CDH8: variants seen among roughly 807,000 people sequenced by gnomAD.
The protein encoded by CDH8 is cadherin 8.
CDH8 carries 17 observed loss-of-function variants against 68.1 expected under a neutral mutation model. The ratio of observed to expected loss-of-function variants is 0.25; its 90% confidence interval spans 0.17 to 0.37. The LOEUF (loss-of-function observed/expected upper bound fraction) is 0.37. Among genes scored for constraint, CDH8 ranks in the 10% least tolerant of loss-of-function variants. The probability of loss-of-function intolerance (pLI) is 1.00; values close to 1 mark genes in which losing one functional copy is unlikely to be tolerated. For synonymous variants in CDH8, 372 were observed against 365.1 expected (o/e 1.02, Z -0.21); for missense variants, 763 against 999.3 (o/e 0.76, Z 3.19).
At chr16:61,688,938 G>C (rs569971317) in intron 10 of CDH8, among the ~76,000 whole-genome samples, 2 of 152,072 alleles carry the variant, frequency 1.3e-5, no homozygotes, top group East Asian at 3.9e-4. Flanking sequence ...TCAGTGAAAG[G>C]ATTACCTTTA....
intron 2 of CDH8, among the ~76,000 whole-genome samples, chr16:61,961,845 C>T (rs973302266): frequency 1.3e-5 from 2 of 152,142 alleles, no homozygotes; most frequent in Admixed American, 6.5e-5. Flanking sequence ...GTACAGTTGA[C>T]CCTTGAACAA....
intron 4 of CDH8, among the ~76,000 whole-genome samples, chr16:61,826,018 C>T (rs1033048595): frequency 4.0e-5 from 6 of 151,644 alleles, no homozygotes; most frequent in African/African-American, 1.5e-4. Flanking sequence ...ATCAAAAATC[C>T]TTATTTAGCT....
At chr16:61,695,707 C>A (rs2142839862) in intron 10 of CDH8, among the ~76,000 whole-genome samples, 1 of 152,280 alleles carries the variant, frequency 6.6e-6, no homozygotes, top group East Asian at 1.9e-4. Flanking sequence ...CTTATTTGAT[C>A]ATCAATTCTT....
chr16:62,003,489 T>G (rs1464668015), intron 2 of CDH8, among the ~76,000 whole-genome samples: 1 of 152,112 alleles, frequency 6.6e-6, no homozygotes, highest in Admixed American at 6.6e-5. Flanking sequence ...ATGATGGTGG[T>G]GATTTTATAC....
chr16:61,657,696 A>C (rs1963474842), intron 10 of CDH8, among the ~76,000 whole-genome samples: 1 of 152,118 alleles, frequency 6.6e-6, no homozygotes, highest in Non-Finnish European at 1.5e-5. Flanking sequence ...TTCAAAACAA[A>C]AGATAGAATT....
intron 8 of CDH8, among the ~76,000 whole-genome samples, chr16:61,757,201 A>G (rs377542098): frequency 1.3e-5 from 2 of 152,154 alleles, no homozygotes; most frequent in African/African-American, 4.8e-5. Context: ...AGTGGGTTAG[A>G]CTGCAAAGCC....
At chr16:61,801,730 T>C (rs891065370) in intron 7 of CDH8, among the ~76,000 whole-genome samples, 1 of 152,140 alleles carries the variant, frequency 6.6e-6, no homozygotes, top group Non-Finnish European at 1.5e-5. Flanking sequence ...ATCGGGTCAC[T>C]CCCACCCGAA....
At chr16:61,886,635 GTC>G (rs1963677777) in intron 3 of CDH8, among the ~76,000 whole-genome samples, 1 of 152,194 alleles carries the variant, frequency 6.6e-6, no homozygotes, top group Non-Finnish European at 1.5e-5. Flanking sequence ...AAGTTTCACA[GTC>G]TCTCACTTTT....
At chr16:62,010,213 A>C (rs1395089031) in intron 2 of CDH8, among the ~76,000 whole-genome samples, 1 of 152,242 alleles carries the variant, frequency 6.6e-6, no homozygotes, top group African/African-American at 2.4e-5. Flanking sequence ...GTAATTAGAG[A>C]AACATCTCTC....
chr16:61,695,191 T>C (rs560943263), intron 10 of CDH8, among the ~76,000 whole-genome samples: 31 of 152,232 alleles, frequency 2.0e-4, no homozygotes, highest in African/African-American at 7.2e-4. Flanking sequence ...AGATTGACTT[T>C]GACTGAGATA....
At chr16:61,911,834 G>T (rs192349077) in intron 2 of CDH8, among the ~76,000 whole-genome samples, 67 of 152,080 alleles carry the variant, frequency 4.4e-4, no homozygotes, top group Non-Finnish European at 3.7e-4. Context: ...AAAAGAAGTG[G>T]ATCTTACAGA....
intron 2 of CDH8, among the ~76,000 whole-genome samples, chr16:61,960,411 A>G (rs62052043): frequency 0.07 from 5,644 of 80,470 alleles, 1,360 homozygotes; most frequent in African/African-American, 0.15. Flanking sequence ...ATATACATAT[A>G]TGTGTGTGTG....
At chr16:61,707,963 T>C (rs752824700) in intron 10 of CDH8, among the ~76,000 whole-genome samples, 4 of 152,188 alleles carry the variant, frequency 2.6e-5, no homozygotes, top group Non-Finnish European at 5.9e-5. Flanking sequence ...TGGACAAGAC[T>C]GTCTAAATGA....
At chr16:61,896,203 C>T (rs992251329) in intron 3 of CDH8, among the ~76,000 whole-genome samples, 3 of 152,312 alleles carry the variant, frequency 2.0e-5, no homozygotes, top group African/African-American at 7.2e-5. Context: ...CTCACAAGCT[C>T]ATCAAGTCAT....
chr16:61,699,783 C>T (rs1416219613), intron 10 of CDH8, among the ~76,000 whole-genome samples: 1 of 152,072 alleles, frequency 6.6e-6, no homozygotes, highest in Admixed American at 6.5e-5. Flanking sequence ...ACCATGTTGG[C>T]CAGGCTGGCC....
chr16:61,915,760 G>A (rs1205090662), intron 2 of CDH8, among the ~76,000 whole-genome samples: 1 of 152,158 alleles, frequency 6.6e-6, no homozygotes. Context: ...AGGGTCTGAC[G>A]TCACCATACT....
chr16:61,989,721 CAT>C (rs1366047366), intron 2 of CDH8, among the ~76,000 whole-genome samples: 1 of 152,204 alleles, frequency 6.6e-6, no homozygotes, highest in African/African-American at 2.4e-5. Flanking sequence ...GAATGAAAAA[CAT>C]GTGCTTGTTA....
chr16:61,928,769 T>A (rs1214973134), intron 2 of CDH8, among the ~76,000 whole-genome samples: 1 of 152,210 alleles, frequency 6.6e-6, no homozygotes, highest in Non-Finnish European at 1.5e-5. Flanking sequence ...TCTGTCTACA[T>A]TGTATTCTAA....
At chr16:61,706,620 CAAAAAAAAA>C (rs781148249) in intron 10 of CDH8, among the ~76,000 whole-genome samples, 2 of 60,402 alleles carry the variant, frequency 3.3e-5, no homozygotes, top group African/African-American at 1.4e-4. Flanking sequence ...GACTCTGTCT[CAAAAAAAAA>C]AAAAAAAAAA....
Sources: gnomAD v4.1 joint callset for allele counts (sites outside exome capture counted in the v4.1 genomes callset) on GRCh38, gnomAD v4.1.1 for gene constraint, MANE v1.5 for transcripts, NCBI Gene and HGNC (gene_info 2026-07-23, HGNC 2026-07-21) for gene names.